The following ZNF521 variants were observed in gnomAD, a reference collection of about 807,000 sequenced individuals.
The protein encoded by ZNF521 is LYST-interacting protein 3.
A neutral mutation model predicts 105.5 loss-of-function variants in ZNF521; 14 were observed. The ratio of observed to expected loss-of-function variants is 0.13; its 90% confidence interval spans 0.09 to 0.21. ZNF521 has a LOEUF of 0.21. ZNF521 is among the 10% of genes least tolerant of loss of function. ZNF521 has a pLI of 1.00. For missense variants in ZNF521, 1,233 were observed against 1,629.7 expected (o/e 0.76, Z 4.19); for synonymous variants, 635 against 606.0 (o/e 1.05, Z -0.70).
chr18:25,203,343 G>A (rs544092520), intron 4 of ZNF521, among the ~76,000 whole-genome samples: 65 of 152,288 alleles, frequency 4.3e-4, no homozygotes, highest in African/African-American at 1.5e-3. Flanking sequence ...AAGGCCTGGT[G>A]TGGTGGCTCA....
chr18:25,219,971 C>T (rs915043419), intron 4 of ZNF521, among the ~76,000 whole-genome samples: 2 of 152,198 alleles, frequency 1.3e-5, no homozygotes, highest in African/African-American at 4.8e-5. Context: ...CCCACCAGCT[C>T]CCAAAGGTCC....
chr18:25,222,859 CA>C (rs1002316567), intron 4 of ZNF521, among the ~76,000 whole-genome samples: 1 of 151,896 alleles, frequency 6.6e-6, no homozygotes, highest in Non-Finnish European at 1.5e-5. Context: ...CATAATTGAA[CA>C]AAAAAATACC....
At chr18:25,179,090 T>A (rs76477121) in intron 5 of ZNF521, among the ~76,000 whole-genome samples, 7 of 147,334 alleles carry the variant, frequency 4.8e-5, no homozygotes, top group South Asian at 2.2e-4. Flanking sequence ...GTATTTCTTA[T>A]GACTTATACT....
intron 5 of ZNF521, among the ~76,000 whole-genome samples, chr18:25,124,315 C>T (rs1262069854): frequency 6.6e-6 from 1 of 151,924 alleles, no homozygotes; most frequent in East Asian, 1.9e-4. Context: ...TTTTGTATAC[C>T]TTTTAGTTTT....
intron 2 of ZNF521, among the ~76,000 whole-genome samples, chr18:25,331,781 T>C (rs1913582803): frequency 6.6e-6 from 1 of 152,156 alleles, no homozygotes; most frequent in Non-Finnish European, 1.5e-5. Flanking sequence ...TGCTGCAATG[T>C]AGCAATACTC....
At chr18:25,062,937 CTAA>C (rs1261886049) in intron 7 of ZNF521, among the ~76,000 whole-genome samples, 196 bp from the exon 8 acceptor site, 1 of 152,062 alleles carries the variant, frequency 6.6e-6, no homozygotes, top group Non-Finnish European at 1.5e-5. Flanking sequence ...TAAAAAAAAT[CTAA>C]TGTTTCTTCC....
intron 3 of ZNF521, among the ~76,000 whole-genome samples, chr18:25,313,630 GT>G (rs1912444418): frequency 6.6e-6 from 1 of 152,000 alleles, no homozygotes; most frequent in South Asian, 2.1e-4. Context: ...ATTTTTTTCA[GT>G]TTTAACAGCC....
At chr18:25,088,655 A>G (rs1264954790) in intron 7 of ZNF521, among the ~76,000 whole-genome samples, 2 of 152,262 alleles carry the variant, frequency 1.3e-5, no homozygotes, top group Non-Finnish European at 2.9e-5. Context: ...GTGAAGTAAC[A>G]TTAAAAAATA....
intron 3 of ZNF521, among the ~76,000 whole-genome samples, chr18:25,303,768 A>G (rs1258175026): frequency 6.6e-6 from 1 of 152,200 alleles, no homozygotes; most frequent in Non-Finnish European, 1.5e-5. Context: ...ATGGATTTTT[A>G]ACTGTACAGG....
At chr18:25,273,239 A>AAAAAAAAAAAAAAAAAAAAAAAAAAAAC (rs1909796803) in intron 3 of ZNF521, among the ~76,000 whole-genome samples, 1 of 148,534 alleles carries the variant, frequency 6.7e-6, no homozygotes, top group Non-Finnish European at 1.5e-5. Context: ...AAAAAAAAAA[A>AAAAAAAAAAAAAAAAAAAAAAAAAAAAC]AAAAAAAAAA....
chr18:25,178,487 T>C (rs564427676), intron 5 of ZNF521, among the ~76,000 whole-genome samples: 1 of 152,332 alleles, frequency 6.6e-6, no homozygotes, highest in East Asian at 1.9e-4. Context: ...ATTCACACAT[T>C]AGTATTATGG....
intron 3 of ZNF521, among the ~76,000 whole-genome samples, chr18:25,229,716 C>T (rs1055972784): frequency 3.9e-5 from 6 of 152,130 alleles, no homozygotes; most frequent in African/African-American, 1.4e-4. Flanking sequence ...AAATCTACCA[C>T]ATTTCACATT....
chr18:25,202,478 C>G (rs536607270), intron 4 of ZNF521: 1 of 152,152 alleles, frequency 6.6e-6, no homozygotes, highest in Non-Finnish European at 1.5e-5. Flanking sequence ...CCCATGGATA[C>G]CAAGAGACGA....
At chr18:25,111,994 G>C (rs1161451442) in intron 5 of ZNF521, among the ~76,000 whole-genome samples, 1 of 152,142 alleles carries the variant, frequency 6.6e-6, no homozygotes, top group Non-Finnish European at 1.5e-5. Flanking sequence ...TTTTCCGTGG[G>C]AAGCTTCCCT....
intron 3 of ZNF521, among the ~76,000 whole-genome samples, chr18:25,252,515 C>T (rs926151922): frequency 1.5e-4 from 23 of 151,914 alleles, no homozygotes; most frequent in African/African-American, 5.6e-4. Flanking sequence ...GACTACATTG[C>T]AACTTATTTA....
At chr18:25,277,589 G>A (rs1910116650) in intron 3 of ZNF521, among the ~76,000 whole-genome samples, 5 of 152,158 alleles carry the variant, frequency 3.3e-5, no homozygotes, top group African/African-American at 7.2e-5. Flanking sequence ...ATGGGTGTGT[G>A]TATTTCATGT....
intron 5 of ZNF521, among the ~76,000 whole-genome samples, chr18:25,097,100 G>A (rs536269808): frequency 6.6e-6 from 1 of 152,126 alleles, no homozygotes; most frequent in East Asian, 1.9e-4. Flanking sequence ...CTAGGGGTCC[G>A]AGGAGTAACA....
At chr18:25,072,887 T>C (rs2033261668) in intron 7 of ZNF521, among the ~76,000 whole-genome samples, 1 of 152,244 alleles carries the variant, frequency 6.6e-6, no homozygotes, top group Non-Finnish European at 1.5e-5. Context: ...TCCCCTGTAA[T>C]GTTTAATTTA....
intron 3 of ZNF521, among the ~76,000 whole-genome samples, chr18:25,245,195 A>C (rs1002508055): frequency 2.0e-5 from 3 of 152,236 alleles, no homozygotes; most frequent in Non-Finnish European, 2.9e-5. Flanking sequence ...GTGAGTCATC[A>C]ATGAATACTT....
Sources: gnomAD v4.1 joint callset for allele counts (sites outside exome capture counted in the v4.1 genomes callset) on GRCh38, gnomAD v4.1.1 for gene constraint, MANE v1.5 for transcripts, NCBI Gene and HGNC (gene_info 2026-07-23, HGNC 2026-07-21) for gene names.